SOST: variants seen among roughly 807,000 people sequenced by gnomAD.
SOST encodes the protein sclerosteosis.
Under a neutral mutation model 16.7 loss-of-function variants are expected in SOST, and 14 were observed. The ratio of observed to expected loss-of-function variants is 0.84; its 90% CI spans 0.55 to 1.31. The LOEUF (loss-of-function observed/expected upper bound fraction) is 1.31, where lower values mean the gene tolerates loss of function less well. Among genes scored for constraint, SOST ranks in the 50% most tolerant of loss-of-function variants. The probability of loss-of-function intolerance (pLI) is 0.00; values close to 1 mark genes in which losing one functional copy is unlikely to be tolerated. For synonymous variants in SOST, 150 were observed against 140.9 expected (o/e 1.06, Z -0.46); for missense variants, 291 against 310.7 (o/e 0.94, Z 0.48).
rs1434095846 is a variant in SOST, at chr17:43,755,759, C to G, written c.225G>C (p.Val75=). 3.8e-6 allele frequency: 6 copies of G among 1,579,888 alleles called. No homozygotes were observed. In the East Asian group the frequency reaches 9.2e-5, roughly 24 times the overall value. Residue 75 remains valine, a synonymous_variant, in exon 2 of 2, where the codon GTG becomes GTC. Transcript: ENST00000301691. The surrounding 1 kb of genome is among the most constrained non-coding windows in gnomAD (Gnocchi z 4.3). ...GCAGCTCGCGGCAGCTGTACTCGGA[C>G]ACGTCTGTGGAGAGAGGCGCGCGTG... ...PPHHPFETKD[V]SEYSCRELHF... is the part of the protein sequence containing the mutation.
Position 43,758,585 on chromosome 17 carries a change from T to C in SOST, c.157A>G (p.Asn53Asp). The change falls in exon 1 of 2, where the codon AAC (asparagine) becomes GAC (aspartate). Residue 53 changes from asparagine to aspartate, a missense_variant. Transcript: ENST00000301691. ...TTCTCCGCCCGGTTCATGGTCTTGTTGTTCTCCAGCTCCGGTGGAGGCTCG... is the reference window on the plus strand; with the variant it reads ...TTCTCCGCCCGGTTCATGGTCTTGTCGTTCTCCAGCTCCGGTGGAGGCTCG... ...YPEPPPELEN[N>D]KTMNRAENGG... 1.2e-6 allele frequency: 2 copies of C among 1,614,212 alleles called. No homozygotes were observed. The highest frequency in any genetic ancestry group is 1.7e-6 in the Non-Finnish European group (2 of 1,180,040).
chr17:43,755,514 C>G lies in SOST; in HGVS notation c.470G>C (p.Arg157Pro). ...LCPGGEAPRA[R>P]KVRLVASCKC... ...GCACGAGGCCACCAGGCGCACCTTG[C>G]GCGCGCGCGGCGCCTCACCACCGGG... Residue 157 changes from arginine (R) to proline (P), a missense_variant, in exon 2 of 2, where the codon CGC becomes CCC. Arg to Pro is a moderately radical substitution (Grantham distance 103). Transcript: ENST00000301691. This position sits in a 1 kb window ranked among gnomAD's most constrained non-coding sequence, Gnocchi z 4.3. 1.3e-6 allele frequency: 2 copies of G among 1,593,418 alleles called. No homozygotes were observed. The highest frequency in any genetic ancestry group is 1.4e-5 in the African/African-American group (1 of 73,522).
chr17:43,756,320 G>T (rs1244897868), intron 1 of SOST, among the ~76,000 whole-genome samples: 1 of 152,136 alleles, frequency 6.6e-6, no homozygotes, highest in Non-Finnish European at 1.5e-5. Context: ...AGGGGATGGA[G>T]AAAGGAGTAG....
chr17:43,756,868 GC>G (rs1275979449), intron 1 of SOST, among the ~76,000 whole-genome samples: 7 of 152,194 alleles, frequency 4.6e-5, no homozygotes, highest in Non-Finnish European at 1.0e-4. Flanking sequence ...ATGGGTGGGA[GC>G]TTTTTAAATA....
chr17:43,758,521 C>A lies in SOST; in HGVS notation c.220+1G>T. 1 of 1,611,154 alleles carries A rather than the reference C, an allele frequency of 6.2e-7. No individual in the cohort carries two copies. Among genetic ancestry groups the A allele is most frequent in the Non-Finnish European group, 8.5e-7 (1 of 1,177,534 alleles). On this transcript the variant is annotated splice_donor_variant, in intron 1 of 1. Coordinates refer to ENST00000301691, the MANE Select transcript of SOST (RefSeq NM_025237.3). LOFTEE classifies it high-confidence loss of function. ...TAAGAATTCTCTCCTCCACCCCATA[C>A]CTTTGGTCTCAAAGGGGTGGTGGGG...
In SOST at chr17:43,755,345, G is replaced by A; in HGVS notation, c.639C>T (p.Tyr213=). The change falls in exon 2 of 2, where the codon TAC becomes TAT. Residue 213 remains tyrosine (Y), a synonymous_variant. Transcript: ENST00000301691. This position sits in a 1 kb window ranked among gnomAD's most constrained non-coding sequence, Gnocchi z 4.3. ...KANQAELENA[Y] is the part of the protein sequence containing the mutation. ...TGGGGAGGGGCGCGGGCGGGCTCTA[G>A]TAGGCGTTCTCCAGCTCGGCCTGGT... 6.3e-7 allele frequency: 1 copy of A among 1,580,352 alleles called. No homozygotes were observed. The highest frequency in any genetic ancestry group is 8.5e-7 in the Non-Finnish European group (1 of 1,172,628).
rs765435662 is a variant in SOST, at chr17:43,755,638, G to A, written c.346C>T (p.Pro116Ser). 17 of 1,575,620 alleles carry A rather than the reference G, an allele frequency of 1.1e-5. No individual in the cohort carries two copies. Among genetic ancestry groups the A allele is most frequent in the Non-Finnish European group, 1.4e-5 (16 of 1,167,980 alleles). The part of the protein sequence containing the change: ...SGQCGPARLL[P>S]NAIGRGKWWR... ...CACTTGCCGCGGCCGATGGCGTTGG[G>A]CAGCAGGCGCGCCGGGCCGCACTGG... is the stretch of plus-strand genomic sequence containing the variant. The change falls in exon 2 of 2, where the codon CCC becomes TCC. Residue 116 changes from proline (P) to serine (S), a missense_variant. Coordinates refer to ENST00000301691, the MANE Select transcript of SOST (RefSeq NM_025237.3). The surrounding 1 kb of genome is among the most constrained non-coding windows in gnomAD (Gnocchi z 4.3).
Position 43,754,459 on chromosome 17 carries a change from T to A in SOST, c.*883A>T, listed in dbSNP as rs1974104389. The A allele has an allele frequency of 6.6e-6, 1 of 152,080 alleles. No individual in the cohort carries two copies. The highest frequency in any genetic ancestry group is 2.1e-4 in the South Asian group (1 of 4,820). The allele number at this position is 152,080 out of a possible 1,614,324, so 9.4% of individuals were successfully genotyped here. On this transcript the variant is annotated 3_prime_UTR_variant, in exon 2 of 2. Transcript: ENST00000301691. The stretch of plus-strand genomic sequence containing the variant: ...ACCCCAATGGATGATGTTATTTCTT[T>A]GAGATGGAGGGGTGGAGGTAGCCAA...
rs146848252 is a variant in SOST, at chr17:43,758,671, T to A, written c.71A>T (p.Gln24Leu). Residue 24 changes from glutamine to leucine, a missense_variant, in exon 1 of 2, where the codon CAG (glutamine) becomes CTG (leucine). By Grantham distance (113) the Gln-to-Leu change is moderately radical. Transcript: ENST00000301691. ...VHTAFRVVEG[Q>L]GWQAFKNDAT... ...ATCATTCTTGAACGCCTGCCACCCC[T>A]GGCCCTCCACTACACGGAAGGCTGT... The A allele has an allele frequency of 1.2e-4, 199 of 1,614,128 alleles. No homozygotes were observed. Among genetic ancestry groups the A allele is most frequent in the Non-Finnish European group, 1.6e-4 (186 of 1,180,004 alleles).
intron 1 of SOST, among the ~76,000 whole-genome samples, chr17:43,757,100 C>T (rs181601571): frequency 6.6e-6 from 1 of 152,342 alleles, no homozygotes; most frequent in East Asian, 1.9e-4. Context: ...GCATCCTCAC[C>T]TCTGCAGGGC....
intron 1 of SOST, among the ~76,000 whole-genome samples, chr17:43,758,320 C>T (rs536247580): frequency 2.0e-5 from 3 of 152,302 alleles, no homozygotes; most frequent in Non-Finnish European, 4.4e-5. Context: ...GCGTCTGTTG[C>T]CTCATGCCTC....
intron 1 of SOST, among the ~76,000 whole-genome samples, chr17:43,757,001 C>T (rs1218212209): frequency 6.6e-6 from 1 of 152,156 alleles, no homozygotes; most frequent in Non-Finnish European, 1.5e-5. Flanking sequence ...GAAGGCCACC[C>T]CCCACCCCCA....
intron 1 of SOST, among the ~76,000 whole-genome samples, chr17:43,757,089 T>C (rs1179551496): frequency 6.6e-6 from 1 of 152,230 alleles, no homozygotes; most frequent in Non-Finnish European, 1.5e-5. Context: ...TGGGCTGGTT[T>C]GCATCCTCAC....
Position 43,754,963 on chromosome 17 carries a change from A to C in SOST, c.*379T>G, listed in dbSNP as rs908734387. 7 of 204,840 alleles carry C rather than the reference A, an allele frequency of 3.4e-5. 1 individual carries two copies. The highest frequency in any genetic ancestry group is 1.5e-4 in the South Asian group (1 of 6,722). 12.7% of individuals were successfully genotyped at this position (204,840 alleles called of 1,614,324 possible). On this transcript the variant is annotated 3_prime_UTR_variant, in exon 2 of 2. Transcript: ENST00000301691. The stretch of plus-strand genomic sequence containing the variant: ...CGAGGTGCAAGGGGGAATCTTATCC[A>C]ACTTTCTTAACCAGTCCCTGGACTT...
chr17:43,758,628 G>A lies in SOST; in HGVS notation c.114C>T (p.Pro38=), dbSNP rs750870565. The change falls in exon 1 of 2, where the codon CCC becomes CCT. Residue 38 remains proline (P), a synonymous_variant. Transcript: ENST00000301691. ...AFKNDATEII[P]ELGEYPEPPP... ...GAGGCTCGGGGTACTCTCCGAGCTC[G>A]GGGATGATTTCCGTGGCATCATTCT... is the stretch of plus-strand genomic sequence containing the variant. 5.9e-5 allele frequency: 96 copies of A among 1,614,010 alleles called. No individual in the cohort carries two copies. Among genetic ancestry groups the A allele is most frequent in the South Asian group, 8.8e-5 (8 of 91,086 alleles).
rs2154590404 is a variant in SOST at position 43,754,240 on chromosome 17, G to C, written c.*1102C>G. On this transcript the variant is annotated 3_prime_UTR_variant, in exon 2 of 2. Transcript: ENST00000301691. Reference sequence around the variant, plus strand: ...TGGGCAGAAGGCGGTGTCTCAAAAGGGATGTGCTGGTCTGTGAGTTTGTGA... The same window carrying C: ...TGGGCAGAAGGCGGTGTCTCAAAAGCGATGTGCTGGTCTGTGAGTTTGTGA... 6.6e-6 allele frequency: 1 copy of C among 152,372 alleles called. No individual in the cohort carries two copies. The highest frequency in any genetic ancestry group is 3.4e-3 in the Middle Eastern group (1 of 296). 9.4% of individuals were successfully genotyped at this position (152,372 alleles called of 1,614,324 possible). A position where few individuals can be genotyped will look rare whatever the true frequency, so the allele number is the denominator to read the frequency against.
chr17:43,755,788 G>A lies in SOST; in HGVS notation c.221-25C>T. On this transcript the variant is annotated intron_variant, in intron 1 of 1. Transcript: ENST00000301691. The surrounding 1 kb of genome is among the most constrained non-coding windows in gnomAD (Gnocchi z 4.3). Reference sequence around the variant, plus strand: ...TCTGTGGAGAGAGGCGCGCGTGAGGGTGGCCGCCCGCCTGGCCACCCCTGC... The same window carrying A: ...TCTGTGGAGAGAGGCGCGCGTGAGGATGGCCGCCCGCCTGGCCACCCCTGC... 6.4e-7 allele frequency: 1 copy of A among 1,557,716 alleles called. No individual in the cohort carries two copies. The highest frequency in any genetic ancestry group is 8.6e-7 in the Non-Finnish European group (1 of 1,161,128).
At chr17:43,758,462 G>C in intron 1 of SOST, 60 bp downstream of exon 1, 1 of 1,363,802 alleles carries the variant, frequency 7.3e-7, no homozygotes, top group Non-Finnish European at 1.0e-6. Context: ...GCCTCCCAAA[G>C]AGAAGTTTCT....
At position 43,758,627 on chromosome 17, in the gene SOST, C is replaced by G. The variant is rs762683331; in HGVS notation, c.115G>C (p.Glu39Gln). The G allele has an allele frequency of 1.2e-6, 2 of 1,614,046 alleles. No homozygotes were observed. The highest frequency in any genetic ancestry group is 8.5e-7 in the Non-Finnish European group (1 of 1,180,020). The change falls in exon 1 of 2, where the codon GAG becomes CAG. Residue 39 changes from glutamate to glutamine, a missense_variant. Coordinates refer to ENST00000301691, the MANE Select transcript of SOST (RefSeq NM_025237.3). ...GGAGGCTCGGGGTACTCTCCGAGCT[C>G]GGGGATGATTTCCGTGGCATCATTC... ...FKNDATEIIP[E>Q]LGEYPEPPPE...
Sources: gnomAD v4.1 joint callset for allele counts (sites outside exome capture counted in the v4.1 genomes callset) on GRCh38, gnomAD v4.1.1 for gene constraint, Gnocchi (gnomAD v3.1) non-coding constraint, MANE v1.5 for transcripts, NCBI Gene and HGNC (gene_info 2026-07-23, HGNC 2026-07-21) for gene names.